The following KIF23 variants were observed in gnomAD, a reference collection of about 807,000 sequenced individuals.
The protein encoded by KIF23 is kinesin-like protein KIF23.
In KIF23, 30 loss-of-function variants were observed where a neutral mutation model predicts 137.5. The observed-to-expected ratio is 0.22, with a 90% CI of 0.16 to 0.30. KIF23 has a LOEUF of 0.30. Among genes scored for constraint, KIF23 ranks in the 10% least tolerant of loss-of-function variants. The probability of loss-of-function intolerance (pLI) is 1.00; values close to 1 mark genes in which losing one functional copy is unlikely to be tolerated. For synonymous variants in KIF23, 367 were observed against 391.1 expected (o/e 0.94, Z 0.73); for missense variants, 920 against 1,194.3 (o/e 0.77, Z 3.38).
intron 22 of KIF23, 44 bp from the exon 23 acceptor site, chr15:69,446,825 CTA>C (rs754111273): frequency 6.5e-7 from 1 of 1,536,288 alleles, no homozygotes; most frequent in South Asian, 1.1e-5. Flanking sequence ...GTTTTATAGA[CTA>C]TTGAGAGGAG....
Position 69,435,687 on chromosome 15 carries a change from G to A in KIF23, c.1230G>A (p.Leu410=). ...VPYRDSKLTH[L]FKNYFDGEGK... ...ATCGAGATTCAAAGTTAACCCATCT[G>A]TTCAAGAACTACTTTGATGGGGAAG... Residue 410 remains leucine (L), a synonymous_variant, in exon 13 of 24, where the codon CTG becomes CTA. Transcript: ENST00000679126. 1 of 1,614,108 alleles carries A rather than the reference G, an allele frequency of 6.2e-7. No homozygotes were observed. Among genetic ancestry groups the A allele is most frequent in the Non-Finnish European group, 8.5e-7 (1 of 1,180,000 alleles).
chr15:69,427,366 A>T (rs1313853618), intron 10 of KIF23: 1 of 455,332 alleles, frequency 2.2e-6, no homozygotes, highest in Admixed American at 2.4e-5. Flanking sequence ...CCCCATTATT[A>T]TAGTTTTGGG....
At chr15:69,438,537 C>A in intron 16 of KIF23, 132 bp downstream of exon 16, 1 of 713,950 alleles carries the variant, frequency 1.4e-6, no homozygotes, top group Non-Finnish European at 2.1e-6. Flanking sequence ...GTGGCTCATG[C>A]AGGTAATTCC....
At chr15:69,423,679 T>C (rs565469948) in intron 7 of KIF23, among the ~76,000 whole-genome samples, 43 of 152,316 alleles carry the variant, frequency 2.8e-4, no homozygotes, top group African/African-American at 9.9e-4. Context: ...AAAAGGAGTT[T>C]TGTAGGCTCT....
intron 11 of KIF23, among the ~76,000 whole-genome samples, chr15:69,431,084 T>C (rs1204281810): frequency 6.6e-6 from 1 of 152,168 alleles, no homozygotes; most frequent in Non-Finnish European, 1.5e-5. Context: ...AGGTAAGCAA[T>C]TGTGTGACCT....
At chr15:69,437,021 C>G (rs1433175623) in intron 15 of KIF23, among the ~76,000 whole-genome samples, 1 of 152,134 alleles carries the variant, frequency 6.6e-6, no homozygotes, top group Non-Finnish European at 1.5e-5. Context: ...TCCTAAAGTG[C>G]TGGGATTACA....
Position 69,444,113 on chromosome 15 carries a change from A to G in KIF23, c.2422-677A>G, listed in dbSNP as rs1299902033. 1 of 152,138 alleles carries G rather than the reference A, an allele frequency of 6.6e-6. No individual in the cohort carries two copies. Among genetic ancestry groups the G allele is most frequent in the Non-Finnish European group, 1.5e-5 (1 of 68,036 alleles). The allele number at this position is 152,138 out of a possible 1,614,324, so 9.4% of individuals were successfully genotyped here. On this transcript the variant is annotated intron_variant, in intron 19 of 23. Coordinates refer to ENST00000679126, the MANE Select transcript of KIF23 (RefSeq NM_001367805.3). This position sits in a 1 kb window ranked among gnomAD's most constrained non-coding sequence, Gnocchi z 4.2. ...ATGTACCACCATGCCTGGCCTAGCA[A>G]CTAGTCTTTTATTGTGTGATAGAGA...
Position 69,439,926 on chromosome 15 carries a change from C to T in KIF23, c.1778C>T (p.Thr593Ile), listed in dbSNP as rs778341278. Residue 593 changes from threonine to isoleucine, a missense_variant, in exon 17 of 24, where the codon ACT becomes ATT. By Grantham distance (89) the Thr-to-Ile change is moderately conservative. This residue lies in a region of KIF23 where 714 missense variants were observed against 866.2 expected (regional missense o/e 0.82). Transcript: ENST00000679126. ...TAGATTGAGATTTTAGAGAAAACAA[C>T]TACTATCTATGAGGAAGATAAACGC... ...EYKIEILEKT[T>I]TIYEEDKRNL... is the part of the protein sequence containing the mutation. 3.1e-6 allele frequency: 5 copies of T among 1,612,922 alleles called. No individual in the cohort carries two copies. The highest frequency in any genetic ancestry group is 1.3e-5 in the African/African-American group (1 of 74,818).
intron 15 of KIF23, among the ~76,000 whole-genome samples, chr15:69,437,958 C>T (rs775844051): frequency 2.0e-4 from 31 of 152,216 alleles, no homozygotes; most frequent in Middle Eastern, 3.4e-3. Context: ...TCTATTTTTG[C>T]GTTTGTTGTT....
chr15:69,433,890 A>G (rs1370161593), intron 11 of KIF23, among the ~76,000 whole-genome samples: 1 of 152,326 alleles, frequency 6.6e-6, no homozygotes, highest in Non-Finnish European at 1.5e-5. Flanking sequence ...TTCACTTATT[A>G]AGTAAAAATT....
chr15:69,421,012 A>G (rs892838309), intron 3 of KIF23, among the ~76,000 whole-genome samples: 1 of 152,224 alleles, frequency 6.6e-6, no homozygotes, highest in Non-Finnish European at 1.5e-5. Context: ...ATCTGTGACT[A>G]TGAATCGTTA....
rs1005446220 is a variant in KIF23 at position 69,444,602 on chromosome 15, C to T, written c.2422-188C>T. 1 of 593,094 alleles carries T rather than the reference C, an allele frequency of 1.7e-6. No individual in the cohort carries two copies. The highest frequency in any genetic ancestry group is 3.0e-5 in the East Asian group (1 of 33,864). 36.7% of individuals were successfully genotyped at this position (593,094 alleles called of 1,614,324 possible). ...GGAAACTCCCAGATAGAATGTGTAA[C>T]ATACAAGTTGGTGTTAAAGATGTTT... On this transcript the variant is annotated intron_variant, in intron 19 of 23. Transcript: ENST00000679126. This position sits in a 1 kb window ranked among gnomAD's most constrained non-coding sequence, Gnocchi z 4.2.
intron 1 of KIF23, chr15:69,414,835 C>T (rs1595969940): frequency 3.9e-6 from 1 of 253,966 alleles, no homozygotes; most frequent in Non-Finnish European, 7.4e-6. Context: ...TGGCTGCCGC[C>T]GCCTCCAGAG....
chr15:69,445,309 A>G (rs1160623614), intron 20 of KIF23, among the ~76,000 whole-genome samples: 1 of 152,212 alleles, frequency 6.6e-6, no homozygotes, highest in Non-Finnish European at 1.5e-5. Flanking sequence ...TAATGACTGT[A>G]TATTTAGTTT....
At position 69,414,365 on chromosome 15, in the gene KIF23, T is replaced by G. The variant is rs1464468815; in HGVS notation, c.-101T>G. 7.3e-6 allele frequency: 11 copies of G among 1,496,758 alleles called. No individual in the cohort carries two copies. Among genetic ancestry groups the G allele is most frequent in the Non-Finnish European group, 9.9e-6 (11 of 1,106,304 alleles). 92.7% of individuals were successfully genotyped at this position (1,496,758 alleles called of 1,614,324 possible). ...GCCGGCTTCGCAGAGCACCGCGCCT[T>G]AGCCGCGAAGTTCTAGTTCTTGCTG... On this transcript the variant is annotated 5_prime_UTR_variant, in exon 1 of 24. Transcript: ENST00000679126.
In KIF23 at chr15:69,419,527, C is replaced by G. The variant is rs1033465685; in HGVS notation, c.210+2016C>G. ...TCTTTTTCTGGGTCTTAGCATGGGTCATCGTTGGGTTTCAGCTTAAATATC... is the reference window on the plus strand; with the variant it reads ...TCTTTTTCTGGGTCTTAGCATGGGTGATCGTTGGGTTTCAGCTTAAATATC... On this transcript the variant is annotated intron_variant, in intron 3 of 23. Transcript: ENST00000679126. Among the ~76,000 whole-genome samples the G allele has an allele frequency of 4.6e-5, 7 of 152,156 alleles. 1 individual carries two copies. The South Asian group carries it at 1.2e-3, about 27-fold the overall frequency.
intron 3 of KIF23, among the ~76,000 whole-genome samples, 199 bp downstream of exon 3, chr15:69,417,710 T>C (rs569546634): frequency 9.3e-4 from 142 of 152,370 alleles, no homozygotes; most frequent in Admixed American, 1.8e-3. Flanking sequence ...GGTTAGAGGA[T>C]TGCTTTTAGC....
Position 69,440,801 on chromosome 15 carries a change from G to A in KIF23, c.2143G>A (p.Gly715Ser), listed in dbSNP as rs372828681. 4.8e-5 allele frequency: 77 copies of A among 1,611,498 alleles called. No individual in the cohort carries two copies. The highest frequency in any genetic ancestry group is 9.3e-5 in the African/African-American group (7 of 74,910). Reference sequence around the variant, plus strand: ...TAACTATATTGCTCAGATTTCCAACGGCCAGCAACTCATGAGCCAGCCACA... The same window carrying A: ...TAACTATATTGCTCAGATTTCCAACAGCCAGCAACTCATGAGCCAGCCACA... ...SSNYIAQISN[G>S]QQLMSQPQLH... Residue 715 changes from glycine to serine, a missense_variant, in exon 19 of 24, where the codon GGC becomes AGC. This residue lies in a region of KIF23 where 714 missense variants were observed against 866.2 expected (regional missense o/e 0.82). Transcript: ENST00000679126.
intron 3 of KIF23, 111 bp from the exon 4 acceptor site, chr15:69,421,536 C>T (rs2140323859): frequency 3.1e-6 from 2 of 655,702 alleles, no homozygotes; most frequent in South Asian, 2.3e-5. Context: ...TATATTTTTT[C>T]TTTGCATGCT....
Sources: gnomAD v4.1 joint callset for allele counts (sites outside exome capture counted in the v4.1 genomes callset) on GRCh38, gnomAD v4.1.1 for gene constraint, gnomAD v4.1.1 regional missense constraint, Gnocchi (gnomAD v3.1) non-coding constraint, MANE v1.5 for transcripts, NCBI Gene and HGNC (gene_info 2026-07-23, HGNC 2026-07-21) for gene names.